Variants in STK10 observed in about 807,000 individuals in gnomAD.
STK10 encodes the protein serine/threonine-protein kinase 10.
In STK10, 78 loss-of-function variants were observed where a neutral mutation model predicts 113.8. The observed-to-expected ratio is 0.69, with a 90% CI of 0.57 to 0.83. The LOEUF is 0.83. Among genes scored for constraint, STK10 ranks in the 40% least tolerant of loss-of-function variants. The pLI is 0.00. For synonymous variants in STK10, 465 were observed against 494.7 expected, an observed-to-expected ratio of 0.94 and a Z score of 0.80; for missense variants, 1,109 against 1,280.1, an observed-to-expected ratio of 0.87 and a Z score of 2.04.
At chr5:172,118,677 A>C (rs1050539834) in intron 3 of STK10, among the ~76,000 whole-genome samples, 6 of 151,872 alleles carry the variant, frequency 4.0e-5, no homozygotes, top group Admixed American at 1.3e-4. Context: ...TCAGGAGTTC[A>C]AGACCATCCT....
rs747422150 is a variant in STK10, at chr5:172,044,760, G to A, written c.*122C>T. Reference sequence around the variant, plus strand: ...CACAGTTGGGGTGGCACAGGGCGAGGGGCTGGATTTGAGCTGGCACAGACG... The same window carrying A: ...CACAGTTGGGGTGGCACAGGGCGAGAGGCTGGATTTGAGCTGGCACAGACG... On this transcript the variant is annotated 3_prime_UTR_variant, in exon 19 of 19. Transcript: ENST00000176763. The surrounding 1 kb of genome is among the most constrained non-coding windows in gnomAD (Gnocchi z 4.5). 6.5e-7 allele frequency: 1 copy of A among 1,536,058 alleles called. No individual in the cohort carries two copies. The highest frequency in any genetic ancestry group is 8.9e-7 in the Non-Finnish European group (1 of 1,123,820).
chr5:172,054,792 G>T lies in STK10; in HGVS notation c.2527-98C>A, dbSNP rs551619848. 7.1e-6 allele frequency: 11 copies of T among 1,540,286 alleles called. No homozygotes were observed. The African/African-American group carries it at 1.4e-4, about 19-fold the overall frequency. On this transcript the variant is annotated intron_variant, in intron 16 of 18. Transcript: ENST00000176763. Reference sequence around the variant, plus strand: ...CTGGCCCAGGGAGACCCCTCAGGGGGACTGGTCTGTGCACAGCCCCAGTAC... The same window carrying T: ...CTGGCCCAGGGAGACCCCTCAGGGGTACTGGTCTGTGCACAGCCCCAGTAC...
intron 1 of STK10, among the ~76,000 whole-genome samples, chr5:172,164,278 A>G (rs1017486438): frequency 1.3e-5 from 2 of 151,788 alleles, no homozygotes; most frequent in African/African-American, 4.8e-5. Context: ...CATTCTCAGA[A>G]CAACTGCTGA....
intron 10 of STK10, among the ~76,000 whole-genome samples, chr5:172,086,921 G>A (rs1164213051): frequency 6.6e-6 from 1 of 152,206 alleles, no homozygotes; most frequent in East Asian, 1.9e-4. Flanking sequence ...CTTCTCCATG[G>A]GGTGTGGCCA....
intron 2 of STK10, among the ~76,000 whole-genome samples, chr5:172,153,670 C>A (rs551078374): frequency 9.8e-5 from 15 of 152,342 alleles, no homozygotes; most frequent in African/African-American, 3.6e-4. Flanking sequence ...TCAAAGATAT[C>A]CACATGGAAA....
intron 1 of STK10, among the ~76,000 whole-genome samples, chr5:172,167,694 A>C (rs773897276): frequency 2.0e-5 from 3 of 152,222 alleles, no homozygotes; most frequent in Non-Finnish European, 4.4e-5. Flanking sequence ...TGGCTATTTA[A>C]ATTAATAGAT....
intron 1 of STK10, among the ~76,000 whole-genome samples, chr5:172,164,396 G>A (rs188519056): frequency 6.6e-6 from 1 of 152,198 alleles, no homozygotes; most frequent in Non-Finnish European, 1.5e-5. Context: ...CACTAAAGCT[G>A]AGAGAGGGCA....
chr5:172,140,171 C>G (rs1769944787), intron 2 of STK10, among the ~76,000 whole-genome samples: 1 of 152,036 alleles, frequency 6.6e-6, no homozygotes, highest in Admixed American at 6.6e-5. Flanking sequence ...AAATGTCCAA[C>G]AGGTAAATAA....
chr5:172,128,248 A>G (rs1024240420), intron 2 of STK10, among the ~76,000 whole-genome samples: 3 of 148,010 alleles, frequency 2.0e-5, no homozygotes, highest in African/African-American at 7.4e-5. Flanking sequence ...AAAAAAAAGA[A>G]AGGTTCTTCC....
At position 172,090,407 on chromosome 5, in the gene STK10, G is replaced by A; in HGVS notation, c.1555-45C>T. 3 of 1,600,682 alleles carry A rather than the reference G, an allele frequency of 1.9e-6. No individual in the cohort carries two copies. The Admixed American group carries it at 5.1e-5, about 27-fold the overall frequency. The stretch of plus-strand genomic sequence containing the variant: ...AGACAAGTCTCAGCATTTCAGCTAA[G>A]GACCCATGGCTGTCGCAGCAGGTGA... On this transcript the variant is annotated intron_variant, in intron 9 of 18. Coordinates refer to ENST00000176763, the MANE Select transcript of STK10 (RefSeq NM_005990.4).
At chr5:172,116,140 G>A (rs1053947321) in intron 4 of STK10, among the ~76,000 whole-genome samples, 1 of 152,210 alleles carries the variant, frequency 6.6e-6, no homozygotes, top group Non-Finnish European at 1.5e-5. Context: ...GAGTGCAGTG[G>A]TGCAATCTCA....
intron 1 of STK10, among the ~76,000 whole-genome samples, chr5:172,185,431 G>C (rs946052737): frequency 2.6e-5 from 4 of 152,068 alleles, no homozygotes; most frequent in Non-Finnish European, 5.9e-5. Flanking sequence ...ACCATGCCCG[G>C]CTAATTTCTG....
At chr5:172,123,656 G>C (rs1212230144) in intron 3 of STK10, among the ~76,000 whole-genome samples, 1 of 152,086 alleles carries the variant, frequency 6.6e-6, no homozygotes, top group Non-Finnish European at 1.5e-5. Flanking sequence ...CTCCATTCCA[G>C]CTGTGTGTGA....
intron 9 of STK10, among the ~76,000 whole-genome samples, chr5:172,090,843 G>A (rs762242999): frequency 8.0e-5 from 12 of 149,128 alleles, no homozygotes; most frequent in Non-Finnish European, 1.6e-4. Context: ...GCTGAGGCAG[G>A]AGAATCACTT....
chr5:172,105,684 G>A lies in STK10; in HGVS notation c.842C>T (p.Thr281Ile). ...CAGCAGCTGCGCGGCACTGGGTCGGGTTTCTGGGTTCTTATCCAGGGCTAT... is the reference window on the plus strand; with the variant it reads ...CAGCAGCTGCGCGGCACTGGGTCGGATTTCTGGGTTCTTATCCAGGGCTAT... Reference protein sequence around the residue: ...LKIALDKNPETRPSAAQLLEH... With the variant: ...LKIALDKNPEIRPSAAQLLEH... The change falls in exon 7 of 19, where the codon ACC (threonine) becomes ATC (isoleucine). Residue 281 changes from threonine (T) to isoleucine (I), a missense_variant. This residue lies in a region of STK10 where 885 missense variants were observed against 991.1 expected (regional missense o/e 0.89). Coordinates refer to ENST00000176763, the MANE Select transcript of STK10 (RefSeq NM_005990.4). The A allele has an allele frequency of 1.2e-6, 2 of 1,613,890 alleles. No individual in the cohort carries two copies. The highest frequency in any genetic ancestry group is 8.5e-7 in the Non-Finnish European group (1 of 1,180,030).
At chr5:172,115,975 G>C (rs1460111880) in intron 4 of STK10, among the ~76,000 whole-genome samples, 1 of 152,228 alleles carries the variant, frequency 6.6e-6, no homozygotes. Context: ...TGGGGGTTGG[G>C]AGTTGGGGAT....
chr5:172,184,117 C>A (rs1770911593), intron 1 of STK10, among the ~76,000 whole-genome samples: 1 of 152,138 alleles, frequency 6.6e-6, no homozygotes, highest in African/African-American at 2.4e-5. Context: ...CAGCTCCCTG[C>A]CAATTGCTTT....
intron 4 of STK10, among the ~76,000 whole-genome samples, chr5:172,117,203 T>C (rs1007953445): frequency 6.7e-6 from 1 of 149,492 alleles, no homozygotes; most frequent in African/African-American, 2.5e-5. Flanking sequence ...CACTTGAACC[T>C]GGGAGGTGGA....
At chr5:172,129,340 G>C (rs2113789839) in intron 2 of STK10, among the ~76,000 whole-genome samples, 2 of 152,278 alleles carry the variant, frequency 1.3e-5, no homozygotes, top group Middle Eastern at 6.8e-3. Flanking sequence ...AGGCGGCACG[G>C]CCCACTTCCA....
Sources: gnomAD v4.1 joint callset for allele counts (sites outside exome capture counted in the v4.1 genomes callset) on GRCh38, gnomAD v4.1.1 for gene constraint, gnomAD v4.1.1 regional missense constraint, Gnocchi (gnomAD v3.1) non-coding constraint, MANE v1.5 for transcripts, NCBI Gene and HGNC (gene_info 2026-07-23, HGNC 2026-07-21) for gene names.